Variants in HTT observed in about 807,000 individuals in gnomAD.
The protein encoded by HTT is huntington disease protein.
In HTT, 104 loss-of-function variants were observed where a neutral mutation model predicts 362.3. The observed-to-expected ratio is 0.29, with a 90% CI of 0.24 to 0.34. The LOEUF (loss-of-function observed/expected upper bound fraction) is 0.34, where lower values mean the gene tolerates loss of function less well. Among genes scored for constraint, HTT ranks in the 10% least tolerant of loss-of-function variants. The pLI is 1.00. For missense variants in HTT, 3,301 were observed against 3,928.6 expected, an observed-to-expected ratio of 0.84 and a Z score of 4.27; for synonymous variants, 1,577 against 1,548.7, an observed-to-expected ratio of 1.02 and a Z score of -0.43.
chr4:3,088,921 A>G (rs1713356163), intron 2 of HTT, among the ~76,000 whole-genome samples: 1 of 152,252 alleles, frequency 6.6e-6, no homozygotes, highest in African/African-American at 2.4e-5. Context: ...AGAAAATGAA[A>G]TAACAAATGA....
chr4:3,232,336 G>A (rs1721295627), intron 60 of HTT, among the ~76,000 whole-genome samples: 1 of 152,144 alleles, frequency 6.6e-6, no homozygotes, highest in African/African-American at 2.4e-5. Context: ...AAAACAAGAG[G>A]CCGCCTGGCC....
chr4:3,216,234 A>G (rs1305570173), intron 51 of HTT, among the ~76,000 whole-genome samples: 1 of 152,218 alleles, frequency 6.6e-6, no homozygotes, highest in East Asian at 1.9e-4. Flanking sequence ...AAGCAATGGC[A>G]TTTTAATGCA....
At chr4:3,102,297 G>A (rs189004658) in intron 3 of HTT, among the ~76,000 whole-genome samples, 4 of 152,366 alleles carry the variant, frequency 2.6e-5, no homozygotes, top group Admixed American at 6.5e-5. Context: ...AGCGACTGGC[G>A]TAGATTGTGA....
intron 19 of HTT, among the ~76,000 whole-genome samples, 189 bp from the exon 20 acceptor site, chr4:3,135,715 T>C (rs188941933): frequency 2.6e-4 from 39 of 152,346 alleles, no homozygotes; most frequent in African/African-American, 7.2e-4. Flanking sequence ...TACTGTCTTA[T>C]TGAGTCTGGA....
chr4:3,102,974 G>A (rs993062961), intron 3 of HTT, among the ~76,000 whole-genome samples: 4 of 152,118 alleles, frequency 2.6e-5, no homozygotes, highest in Admixed American at 6.6e-5. Context: ...CAGGGACCAC[G>A]GGCATACCTG....
At chr4:3,157,957 A>G (rs776654893) in intron 28 of HTT, among the ~76,000 whole-genome samples, 9 of 150,438 alleles carry the variant, frequency 6.0e-5, no homozygotes, top group African/African-American at 9.8e-5. Context: ...TGTTATATCA[A>G]TCTATCTGTC....
At chr4:3,151,678 TG>T (rs1716900152) in intron 26 of HTT, among the ~76,000 whole-genome samples, 1 of 152,178 alleles carries the variant, frequency 6.6e-6, no homozygotes, top group Non-Finnish European at 1.5e-5. Context: ...TGATTTGAGG[TG>T]GAACAGTTTC....
At chr4:3,095,287 G>A (rs1204676095) in intron 2 of HTT, among the ~76,000 whole-genome samples, 1 of 152,266 alleles carries the variant, frequency 6.6e-6, no homozygotes, top group African/African-American at 2.4e-5. Flanking sequence ...CACCTCGGGA[G>A]GCCGAGGCTG....
chr4:3,143,841 G>C (rs925066297), intron 23 of HTT, among the ~76,000 whole-genome samples: 1 of 152,044 alleles, frequency 6.6e-6, no homozygotes, highest in Non-Finnish European at 1.5e-5. Flanking sequence ...AACCTCAGGT[G>C]ATCCGCCCTC....
rs549564057 is a variant in HTT, at chr4:3,105,223, A to G, written c.529-134A>G. 34 of 632,696 alleles carry G rather than the reference A, an allele frequency of 5.4e-5. 1 individual carries two copies. The highest frequency in any genetic ancestry group is 2.5e-4 in the South Asian group (13 of 52,134). 39.2% of individuals were successfully genotyped at this position (632,696 alleles called of 1,614,324 possible). ...CCCACTAGACCTTAAAGTAGTTACC[A>G]GATGTTTTATGCATTTAAATGGCCT... On this transcript the variant is annotated intron_variant, in intron 4 of 66. Coordinates refer to ENST00000355072, the MANE Select transcript of HTT (RefSeq NM_001388492.1).
At chr4:3,209,487 C>G (rs938196047) in intron 46 of HTT, among the ~76,000 whole-genome samples, 2 of 152,240 alleles carry the variant, frequency 1.3e-5, no homozygotes, top group African/African-American at 4.8e-5. Context: ...CGCTAAGCAC[C>G]TGCCCTGCCC....
At chr4:3,076,744 CTCTT>C (rs1182423574) in intron 1 of HTT, among the ~76,000 whole-genome samples, 1 of 152,178 alleles carries the variant, frequency 6.6e-6, no homozygotes, top group African/African-American at 2.4e-5. Flanking sequence ...AATATGCCTT[CTCTT>C]TCTTATGCTG....
At chr4:3,143,955 TATCCAAGA>T (rs1366726416) in intron 23 of HTT, among the ~76,000 whole-genome samples, 1 of 152,140 alleles carries the variant, frequency 6.6e-6, no homozygotes, top group Non-Finnish European at 1.5e-5. Context: ...AGAACCATAA[TATCCAAGA>T]ATCCAAGAAT....
At chr4:3,173,837 T>A (rs1178790537) in intron 31 of HTT, among the ~76,000 whole-genome samples, 3 of 151,698 alleles carry the variant, frequency 2.0e-5, no homozygotes, top group Non-Finnish European at 4.4e-5. Flanking sequence ...CCTGGCTAAC[T>A]TTTTTTTGTA....
In HTT at chr4:3,116,142, T is replaced by G; in HGVS notation, c.947T>G (p.Leu316Arg). 3 of 1,613,892 alleles carry G rather than the reference T, an allele frequency of 1.9e-6. No homozygotes were observed. Among genetic ancestry groups the G allele is most frequent in the Non-Finnish European group, 2.5e-6 (3 of 1,179,942 alleles). Residue 316 changes from leucine (L) to arginine (R), a missense_variant, in exon 8 of 67, where the codon CTC (leucine) becomes CGC (arginine). Coordinates refer to ENST00000355072, the MANE Select transcript of HTT (RefSeq NM_001388492.1). Reference protein sequence around the residue: ...HSTLLILGVLLTLRYLVPLLQ... With the variant: ...HSTLLILGVLRTLRYLVPLLQ... The stretch of plus-strand genomic sequence containing the variant: ...ACTCTGCTGATTCTTGGCGTGCTGC[T>G]CACCCTGAGGTATTTGGTGCCCTTG...
Position 3,235,344 on chromosome 4 carries a change from C to G in HTT, c.8517C>G (p.Leu2839=), listed in dbSNP as rs1253522378. Residue 2839 remains leucine, a synonymous_variant, in exon 62 of 67, where the codon CTC becomes CTG. Transcript: ENST00000355072. ...TCATGTGTGCCACTGCGTTTTACCTCATTGAGAACTATCCTCTGGACGTAG... is the reference window on the plus strand; with the variant it reads ...TCATGTGTGCCACTGCGTTTTACCTGATTGAGAACTATCCTCTGGACGTAG... ...VLVMCATAFY[L]IENYPLDVGP... is the part of the protein sequence containing the mutation. The G allele has an allele frequency of 1.2e-6, 2 of 1,613,896 alleles. No individual in the cohort carries two copies. Among genetic ancestry groups the G allele is most frequent in the Non-Finnish European group, 1.7e-6 (2 of 1,179,880 alleles).
intron 39 of HTT, chr4:3,188,241 T>G (rs1418475384): frequency 5.1e-6 from 1 of 197,528 alleles, no homozygotes; most frequent in Non-Finnish European, 1.0e-5. Context: ...AGTCTCAGAT[T>G]GTCACCATGT....
At chr4:3,119,174 C>T (rs1370587462) in intron 8 of HTT, among the ~76,000 whole-genome samples, 3 of 152,038 alleles carry the variant, frequency 2.0e-5, no homozygotes, top group Admixed American at 1.3e-4. Flanking sequence ...GCGCGTAGTT[C>T]GTATTAGAAA....
chr4:3,111,874 G>A (rs968873112), intron 6 of HTT, among the ~76,000 whole-genome samples: 14 of 152,140 alleles, frequency 9.2e-5, no homozygotes, highest in African/African-American at 1.9e-4. Context: ...ACTTTCAGAT[G>A]TATGTGGCGC....
Sources: allele counts gnomAD v4.1 joint callset (sites outside exome capture counted in the v4.1 genomes callset), GRCh38; gene constraint gnomAD v4.1.1; transcripts MANE v1.5; gene names NCBI Gene and HGNC (gene_info 2026-07-23, HGNC 2026-07-21).